KNDC1: variants seen among roughly 807,000 people sequenced by gnomAD.
KNDC1 encodes kinase non-catalytic C-lobe domain containing 1.
In KNDC1, 106 loss-of-function variants were observed where a neutral mutation model predicts 172.8. The ratio of observed to expected loss-of-function variants is 0.61; its 90% CI spans 0.52 to 0.72. KNDC1 has a LOEUF of 0.72. Among genes scored for constraint, KNDC1 ranks in the 30% least tolerant of loss-of-function variants. The pLI, the probability that KNDC1 is intolerant of heterozygous loss-of-function variation, is 0.00. For missense variants in KNDC1, 2,325 were observed against 2,394.5 expected (o/e 0.97, Z 0.61); for synonymous variants, 1,083 against 1,062.2 (o/e 1.02, Z -0.38).
At chr10:133,199,878 T>G (rs1854312758) in intron 15 of KNDC1, among the ~76,000 whole-genome samples, 1 of 152,122 alleles carries the variant, frequency 6.6e-6, no homozygotes, top group Non-Finnish European at 1.5e-5. Context: ...TCCGGGAGGC[T>G]GCAGGGGGCC....
intron 17 of KNDC1, among the ~76,000 whole-genome samples, chr10:133,203,545 C>T (rs1854438857): frequency 6.6e-6 from 1 of 152,256 alleles, no homozygotes. Context: ...AGCCGGTGGG[C>T]ATTTCCTCCC....
intron 3 of KNDC1, among the ~76,000 whole-genome samples, chr10:133,175,962 A>G (rs1853524534): frequency 7.2e-6 from 1 of 137,986 alleles, no homozygotes; most frequent in Non-Finnish European, 1.6e-5. Flanking sequence ...GGATGGGTGG[A>G]TGGATGGATG....
At chr10:133,187,380 T>C (rs1346084551) in intron 6 of KNDC1, among the ~76,000 whole-genome samples, 1 of 152,230 alleles carries the variant, frequency 6.6e-6, no homozygotes, top group Non-Finnish European at 1.5e-5. Context: ...CAAGTGCATT[T>C]TGCCCTCCTT....
At chr10:133,221,845 G>GGCT (rs1564903175) in intron 29 of KNDC1, among the ~76,000 whole-genome samples, 5 of 114,736 alleles carry the variant, frequency 4.4e-5, no homozygotes, top group East Asian at 6.9e-4. Context: ...CGGGCTGGGT[G>GGCT]CAGCCACTCA....
In KNDC1 at chr10:133,213,641, G is replaced by T. The variant is rs532493086; in HGVS notation, c.4444-4G>T. Reference sequence around the variant, plus strand: ...TGAACCTCTTGTTTCCATGTTCTGGGCAGGAGTTGTTTCAAAAGTGCCACC... The same window carrying T: ...TGAACCTCTTGTTTCCATGTTCTGGTCAGGAGTTGTTTCAAAAGTGCCACC... On this transcript the variant is annotated splice_region_variant and splice_polypyrimidine_tract_variant and intron_variant, in intron 24 of 29. Transcript: ENST00000304613. The T allele has an allele frequency of 1.2e-6, 2 of 1,613,722 alleles. No homozygotes were observed. The highest frequency in any genetic ancestry group is 2.7e-5 in the African/African-American group (2 of 75,028).
chr10:133,212,876 A>C lies in KNDC1; in HGVS notation c.4397A>C (p.Glu1466Ala). 3 of 1,613,866 alleles carry C rather than the reference A, an allele frequency of 1.9e-6. No homozygotes were observed. The highest frequency in any genetic ancestry group is 2.5e-6 in the Non-Finnish European group (3 of 1,179,934). Residue 1466 changes from glutamate (E) to alanine (A), a missense_variant, in exon 24 of 30, where the codon GAG (glutamate) becomes GCG (alanine). Transcript: ENST00000304613. ...GAGAAGGGGCCCTACTTCCTGACGGAGTACAGCACTCACCAGCTCTTCAGC... is the reference window on the plus strand; with the variant it reads ...GAGAAGGGGCCCTACTTCCTGACGGCGTACAGCACTCACCAGCTCTTCAGC... ...TSEKGPYFLTEYSTHQLFSQL... is the reference protein window; with the variant it reads ...TSEKGPYFLTAYSTHQLFSQL...
rs1334386545 is a variant in KNDC1 at position 133,214,699 on chromosome 10, G to A, written c.4677+577G>A. Among the ~76,000 whole-genome samples, 4 of 152,240 alleles carry A rather than the reference G, an allele frequency of 2.6e-5. No individual in the cohort carries two copies. The East Asian group carries it at 5.8e-4, about 22-fold the overall frequency. On this transcript the variant is annotated intron_variant, in intron 26 of 29. Coordinates refer to ENST00000304613, the MANE Select transcript of KNDC1 (RefSeq NM_152643.8). ...ATTGTGGGTTCTTAGTCTGTGGAACGGATCGGCTCCGTGGTCTGACCAAGG... is the reference window on the plus strand; with the variant it reads ...ATTGTGGGTTCTTAGTCTGTGGAACAGATCGGCTCCGTGGTCTGACCAAGG...
Position 133,200,408 on chromosome 10 carries a change from C to G in KNDC1, c.2937C>G (p.Gly979=). 6.3e-7 allele frequency: 1 copy of G among 1,597,772 alleles called. No individual in the cohort carries two copies. Among genetic ancestry groups the G allele is most frequent in the Non-Finnish European group, 8.5e-7 (1 of 1,173,018 alleles). The change falls in exon 16 of 30, where the codon GGC becomes GGG. Residue 979 remains glycine (G), a synonymous_variant. Coordinates refer to ENST00000304613, the MANE Select transcript of KNDC1 (RefSeq NM_152643.8). ...TAEEAGSQLE[G]SQSPRSPSSK... The stretch of plus-strand genomic sequence containing the variant: ...AGGAGGCTGGGTCACAGCTCGAGGG[C>G]AGCCAAAGCCCCCGCTCCCCGTCCA...
chr10:133,171,107 T>C (rs1564874994), intron 3 of KNDC1, among the ~76,000 whole-genome samples: 2 of 152,258 alleles, frequency 1.3e-5, no homozygotes, highest in Admixed American at 6.5e-5. Context: ...CGATAGTCAC[T>C]GATATTTTCT....
chr10:133,170,974 T>C (rs957020974), intron 3 of KNDC1, among the ~76,000 whole-genome samples: 5 of 152,360 alleles, frequency 3.3e-5, no homozygotes, highest in African/African-American at 1.2e-4. Context: ...AGAGAAAAGC[T>C]GGCCGACGGT....
At chr10:133,199,663 C>G (rs1854307051) in intron 15 of KNDC1, 61 bp downstream of exon 15, 2 of 1,566,032 alleles carry the variant, frequency 1.3e-6, no homozygotes, top group South Asian at 1.1e-5. Context: ...TGCCTGGGCT[C>G]TGCTGCCTGA....
chr10:133,201,301 G>A (rs1441424508), intron 16 of KNDC1, among the ~76,000 whole-genome samples, 200 bp from the exon 17 acceptor site: 4 of 152,142 alleles, frequency 2.6e-5, no homozygotes, highest in African/African-American at 4.8e-5. Context: ...TCTGTCACCC[G>A]GCCCCGTGCG....
intron 1 of KNDC1, among the ~76,000 whole-genome samples, chr10:133,161,654 C>T (rs560006732): frequency 1.3e-5 from 2 of 152,186 alleles, no homozygotes; most frequent in South Asian, 4.2e-4. Context: ...CCCACCATGG[C>T]CTGGATTCGG....
chr10:133,169,875 A>C (rs1309911314), intron 3 of KNDC1, among the ~76,000 whole-genome samples: 1 of 152,238 alleles, frequency 6.6e-6, no homozygotes, highest in Non-Finnish European at 1.5e-5. Flanking sequence ...ACCTCAGCCC[A>C]GGCCGTGCCC....
At chr10:133,164,826 G>A (rs1046432524) in intron 1 of KNDC1, among the ~76,000 whole-genome samples, 2 of 152,172 alleles carry the variant, frequency 1.3e-5, no homozygotes, top group African/African-American at 4.8e-5. Context: ...GTGGCGGGGG[G>A]AGCCCAAGGA....
At chr10:133,206,582 A>C in intron 17 of KNDC1, 103 bp from the exon 18 acceptor site, 1 of 925,684 alleles carries the variant, frequency 1.1e-6, no homozygotes, top group African/African-American at 1.6e-5. Flanking sequence ...CCTGCAGCTG[A>C]TCTCCAAGGC....
rs770420278 is a variant in KNDC1, at chr10:133,207,196, C to T, written c.3639C>T (p.Ile1213=). The change falls in exon 20 of 30, where the codon ATC becomes ATT. Residue 1213 remains isoleucine (I), a synonymous_variant. Coordinates refer to ENST00000304613, the MANE Select transcript of KNDC1 (RefSeq NM_152643.8). ...EPCTLPVIVN[I]AAAPCDTLDF... ...GCACCCTCCCAGTGATCGTGAACAT[C>T]GCGGCCGCACCCTGCGACACGCTGG... 4.8e-5 allele frequency: 78 copies of T among 1,610,860 alleles called. No homozygotes were observed. Among genetic ancestry groups the T allele is most frequent in the Non-Finnish European group, 6.4e-5 (75 of 1,179,468 alleles).
At chr10:133,166,715 C>T (rs1262991945) in intron 1 of KNDC1, among the ~76,000 whole-genome samples, 5 of 150,938 alleles carry the variant, frequency 3.3e-5, no homozygotes, top group Non-Finnish European at 5.9e-5. Flanking sequence ...AGGGTGAGCA[C>T]GTGTGCTAGG....
At chr10:133,197,981 G>A (rs902624547) in intron 12 of KNDC1, among the ~76,000 whole-genome samples, 2 of 152,118 alleles carry the variant, frequency 1.3e-5, no homozygotes, top group Admixed American at 1.3e-4. Flanking sequence ...CCCAGCTCCA[G>A]GTTCTCACTC....
Sources: gnomAD v4.1 joint callset for allele counts (sites outside exome capture counted in the v4.1 genomes callset) on GRCh38, gnomAD v4.1.1 for gene constraint, MANE v1.5 for transcripts, NCBI Gene and HGNC (gene_info 2026-07-23, HGNC 2026-07-21) for gene names.